Variants in TTYH1 observed in about 807,000 individuals in gnomAD.
TTYH1 encodes protein tweety homolog 1.
Under a neutral mutation model 61.2 loss-of-function variants are expected in TTYH1, and 33 were observed. That is an observed-to-expected ratio of 0.54 (90% CI 0.41 to 0.72). The LOEUF (loss-of-function observed/expected upper bound fraction) is 0.72, where lower values mean the gene tolerates loss of function less well. Among genes scored for constraint, TTYH1 ranks in the 30% least tolerant of loss-of-function variants. The pLI, the probability that TTYH1 is intolerant of heterozygous loss-of-function variation, is 0.00. For missense variants in TTYH1, 538 were observed against 575.8 expected (o/e 0.93, Z 0.67); for synonymous variants, 308 against 266.4 (o/e 1.16, Z -1.52).
At position 54,429,954 on chromosome 19, in the gene TTYH1, T is replaced by C; in HGVS notation, c.880T>C (p.Ser294Pro). ...NLTQEETGLS[S>P]DILSYYLLCN... The stretch of plus-strand genomic sequence containing the variant: ...GACCCAGGAGGAGACAGGGCTCAGC[T>C]CAGGTGATTTCCAAGGGCCCGGTGG... Residue 294 changes from serine (S) to proline (P), a missense_variant, in exon 7 of 14, where the codon TCA becomes CCA. By Grantham distance (74) the Ser-to-Pro change is moderately conservative. Transcript: ENST00000376530. This position sits in a 1 kb window ranked among gnomAD's most constrained non-coding sequence, Gnocchi z 5.1. The C allele has an allele frequency of 6.2e-7, 1 of 1,613,662 alleles. No individual in the cohort carries two copies. The highest frequency in any genetic ancestry group is 8.5e-7 in the Non-Finnish European group (1 of 1,179,744).
Position 54,422,354 on chromosome 19 carries a change from A to C in TTYH1, c.582A>C (p.Gly194=). Residue 194 remains glycine, a synonymous_variant, in exon 4 of 14, where the codon GGA becomes GGC. Transcript: ENST00000376530. ...TGCAGGGGCTGGCCTTCTGGCAGGG[A>C]GTGCCCCTGAGCCCCCTGCAGGTGG... ...QQLQGLAFWQ[G]VPLSPLQVAE... is the part of the protein sequence containing the mutation. 1 of 1,575,652 alleles carries C rather than the reference A, an allele frequency of 6.3e-7. No individual in the cohort carries two copies. The highest frequency in any genetic ancestry group is 8.6e-7 in the Non-Finnish European group (1 of 1,161,730).
chr19:54,434,438 C>A lies in TTYH1; in HGVS notation c.1126-1104C>A. Reference sequence around the variant, plus strand: ...CCCTCCCAGCTTCCTCTGCACAGCCCTCTGCCTGGCTCCTTCCTGGAGGAC... The same window carrying A: ...CCCTCCCAGCTTCCTCTGCACAGCCATCTGCCTGGCTCCTTCCTGGAGGAC... On this transcript the variant is annotated intron_variant, in intron 10 of 13. Transcript: ENST00000376530. The surrounding 1 kb of genome is among the most constrained non-coding windows in gnomAD (Gnocchi z 4.3). 1 of 153,352 alleles carries A rather than the reference C, an allele frequency of 6.5e-6. No individual in the cohort carries two copies. The highest frequency in any genetic ancestry group is 1.5e-5 in the Non-Finnish European group (1 of 68,836). 9.5% of individuals were successfully genotyped at this position (153,352 alleles called of 1,614,324 possible).
rs2083384841 is a variant in TTYH1 at position 54,429,213 on chromosome 19, AGGTGGGGGGC to A, written c.735-91_735-82del. On this transcript the variant is annotated intron_variant, in intron 5 of 13. Coordinates refer to ENST00000376530, the MANE Select transcript of TTYH1 (RefSeq NM_020659.4). The surrounding 1 kb of genome is among the most constrained non-coding windows in gnomAD (Gnocchi z 5.1). ...TCCTCCAGGCTCCAGAGGTGGGTGG[AGGTGGGGGGC>A]GGCTGTGATGGGATTTGGGGTGTGG... 7 of 1,134,516 alleles carry A rather than the reference AGGTGGGGGGC, an allele frequency of 6.2e-6. No homozygotes were observed. In the Admixed American group the frequency reaches 1.2e-4, roughly 20 times the overall value. The allele number at this position is 1,134,516 out of a possible 1,614,324, so 70.3% of individuals were successfully genotyped here.
In TTYH1 at chr19:54,435,698, G is replaced by T; in HGVS notation, c.1268+14G>T. ...CTTCCCACCCAGGTCAGGAGCGGGG[G>T]AGGGTAGGGTCCTGGGGAGGGAAGA... On this transcript the variant is annotated intron_variant, in intron 11 of 13. Coordinates refer to ENST00000376530, the MANE Select transcript of TTYH1 (RefSeq NM_020659.4). 6.2e-7 allele frequency: 1 copy of T among 1,608,566 alleles called. No homozygotes were observed. The highest frequency in any genetic ancestry group is 8.5e-7 in the Non-Finnish European group (1 of 1,177,394).
rs375274676 is a variant in TTYH1 at position 54,436,095 on chromosome 19, C to T, written c.1319C>T (p.Ser440Phe). Reference sequence around the variant, plus strand: ...CTACCCCGAATCTCCTAGCAGGAATCCAAGCGCTTTGTGCAGTGGCAGTCG... The same window carrying T: ...CTACCCCGAATCTCCTAGCAGGAATTCAAGCGCTTTGTGCAGTGGCAGTCG... The part of the protein sequence containing the change: ...DDDDPFNPQE[S>F]KRFVQWQSSI The change falls in exon 13 of 14, where the codon TCC becomes TTC. Residue 440 changes from serine (S) to phenylalanine (F), a missense_variant. This residue lies in a region of TTYH1 where 378 missense variants were observed against 401.2 expected (regional missense o/e 0.94). Transcript: ENST00000376530. The surrounding 1 kb of genome is among the most constrained non-coding windows in gnomAD (Gnocchi z 4.3). 6.2e-7 allele frequency: 1 copy of T among 1,614,080 alleles called. No individual in the cohort carries two copies. The highest frequency in any genetic ancestry group is 1.1e-5 in the South Asian group (1 of 91,086).
rs1370939498 is a variant in TTYH1, at chr19:54,421,806, T to A, written c.418-384T>A. 6.6e-6 allele frequency among the ~76,000 whole-genome samples: 1 copy of A among 152,118 alleles called. No individual in the cohort carries two copies. The highest frequency in any genetic ancestry group is 2.4e-5 in the African/African-American group (1 of 41,434). On this transcript the variant is annotated intron_variant, in intron 3 of 13. Transcript: ENST00000376530. This position sits in a 1 kb window ranked among gnomAD's most constrained non-coding sequence, Gnocchi z 4.8. ...GATTCTGGGCCCTGGGGCTGAGGCC[T>A]GGCCCCACTTCATGCCTTAGATTCC... is the stretch of plus-strand genomic sequence containing the variant.
At chr19:54,428,331 C>T (rs995436505) in intron 5 of TTYH1, among the ~76,000 whole-genome samples, 10 of 151,804 alleles carry the variant, frequency 6.6e-5, no homozygotes, top group African/African-American at 1.7e-4. Flanking sequence ...TAAGGTGATC[C>T]GCCCGCCTCA....
At chr19:54,425,915 C>T (rs1489529387) in intron 4 of TTYH1, among the ~76,000 whole-genome samples, 1 of 152,012 alleles carries the variant, frequency 6.6e-6, no homozygotes, top group Admixed American at 6.6e-5. Flanking sequence ...GGGGTTTCAC[C>T]ATGTTGGCCA....
chr19:54,423,756 T>C (rs1224329990), intron 4 of TTYH1, among the ~76,000 whole-genome samples: 1 of 151,900 alleles, frequency 6.6e-6, no homozygotes, highest in Non-Finnish European at 1.5e-5. Flanking sequence ...GGCCGGGCAG[T>C]GAGCAAGTGG....
In TTYH1 at chr19:54,436,233, G is replaced by C. The variant is rs890519252; in HGVS notation, c.*42+62G>C. 1.2e-6 allele frequency: 2 copies of C among 1,607,708 alleles called. No individual in the cohort carries two copies. Among genetic ancestry groups the C allele is most frequent in the African/African-American group, 2.7e-5 (2 of 74,798 alleles). ...GGCCTCTGCCCCCCTCCCGCCCTCC[G>C]AGCTGCTCCAGGCATGGGCTGCGTG... On this transcript the variant is annotated intron_variant, in intron 13 of 13. Transcript: ENST00000376530. The surrounding 1 kb of genome is among the most constrained non-coding windows in gnomAD (Gnocchi z 4.3).
At position 54,427,776 on chromosome 19, in the gene TTYH1, C is replaced by T. The variant is rs575654280; in HGVS notation, c.734+1008C>T. Among the ~76,000 whole-genome samples the T allele has an allele frequency of 3.9e-5, 6 of 152,254 alleles. No homozygotes were observed. The East Asian group carries it at 9.7e-4, about 24-fold the overall frequency. Reference sequence around the variant, plus strand: ...AGGGTGGCCAAGTCCAAGACTGAGCCGTCCTTAAGTGTCGTGGCAAAGCCG... The same window carrying T: ...AGGGTGGCCAAGTCCAAGACTGAGCTGTCCTTAAGTGTCGTGGCAAAGCCG... On this transcript the variant is annotated intron_variant, in intron 5 of 13. Transcript: ENST00000376530.
Position 54,421,229 on chromosome 19 carries a change from C to T in TTYH1, c.306-48C>T, listed in dbSNP as rs546781641. 3.2e-5 allele frequency: 42 copies of T among 1,315,768 alleles called. No individual in the cohort carries two copies. In the Admixed American group the frequency reaches 4.1e-4, roughly 13 times the overall value. The allele number at this position is 1,315,768 out of a possible 1,614,324, so 81.5% of individuals were successfully genotyped here. A position where few individuals can be genotyped will look rare whatever the true frequency, so the allele number is the denominator to read the frequency against. ...TGGGGTGGGAGGGGACGGTGGCCCC[C>T]GGGGTCCTGGGACCCGCTGAGATTC... On this transcript the variant is annotated intron_variant, in intron 2 of 13. Transcript: ENST00000376530. This position sits in a 1 kb window ranked among gnomAD's most constrained non-coding sequence, Gnocchi z 4.8.
At position 54,419,231 on chromosome 19, in the gene TTYH1, C is replaced by CT; in HGVS notation, c.230_231insT (p.Gly79ArgfsTer36). The CT allele has an allele frequency of 6.2e-7, 1 of 1,609,770 alleles. No homozygotes were observed. Among genetic ancestry groups the CT allele is most frequent in the Non-Finnish European group, 8.5e-7 (1 of 1,179,940 alleles). On this transcript the variant is annotated frameshift_variant, in exon 2 of 14. Transcript: ENST00000376530. LOFTEE classifies it high-confidence loss of function. This position sits in a 1 kb window ranked among gnomAD's most constrained non-coding sequence, Gnocchi z 6.1. Reference sequence around the variant, plus strand: ...TTCTGCTGCTGCCGGCCCCCCGAGCCCCCCGGGTCCAAGATCCCCTCGCCC... The same window carrying CT: ...TTCTGCTGCTGCCGGCCCCCCGAGCCTCCCCGGGTCCAAGATCCCCTCGCCC...
At position 54,436,447 on chromosome 19, in the gene TTYH1, T is replaced by C; in HGVS notation, c.*157T>C. 1 of 1,526,190 alleles carries C rather than the reference T, an allele frequency of 6.6e-7. No individual in the cohort carries two copies. Among genetic ancestry groups the C allele is most frequent in the Non-Finnish European group, 9.1e-7 (1 of 1,101,494 alleles). The allele number at this position is 1,526,190 out of a possible 1,614,324, so 94.5% of individuals were successfully genotyped here. A position where few individuals can be genotyped will look rare whatever the true frequency, so the allele number is the denominator to read the frequency against. The stretch of plus-strand genomic sequence containing the variant: ...GGACCGCCTCCCTGCTCTTGGCCAC[T>C]GTGCTCCCATTTCTGTCCTTGGCCT... On this transcript the variant is annotated 3_prime_UTR_variant, in exon 14 of 14. Coordinates refer to ENST00000376530, the MANE Select transcript of TTYH1 (RefSeq NM_020659.4). The surrounding 1 kb of genome is among the most constrained non-coding windows in gnomAD (Gnocchi z 4.3).
intron 4 of TTYH1, among the ~76,000 whole-genome samples, chr19:54,423,624 T>A (rs917621508): frequency 1.3e-5 from 2 of 152,196 alleles, no homozygotes; most frequent in Non-Finnish European, 2.9e-5. Flanking sequence ...GAAATGGGAA[T>A]CGGGGCAGCG....
chr19:54,436,142 G>C lies in TTYH1; in HGVS notation c.*13G>C, dbSNP rs771837621. 15 of 1,613,930 alleles carry C rather than the reference G, an allele frequency of 9.3e-6. No homozygotes were observed. The African/African-American group carries it at 2.0e-4, about 22-fold the overall frequency. On this transcript the variant is annotated 3_prime_UTR_variant, in exon 13 of 14. Transcript: ENST00000376530. The surrounding 1 kb of genome is among the most constrained non-coding windows in gnomAD (Gnocchi z 4.3). ...GTCGTCTATCTGAGCCCCTCCTCCC[G>C]GCTGGACTGGAGCCTGGCTCCCCTC...
At position 54,424,891 on chromosome 19, in the gene TTYH1, T is replaced by TA. The variant is rs370550141; in HGVS notation, c.639-1781dup. 7.0e-3 allele frequency among the ~76,000 whole-genome samples: 1,066 copies of TA among 152,250 alleles called. 14 individuals carry two copies. Among genetic ancestry groups the TA allele is most frequent in the African/African-American group, 0.024 (1,009 of 41,562 alleles). On this transcript the variant is annotated intron_variant, in intron 4 of 13. Transcript: ENST00000376530. The stretch of plus-strand genomic sequence containing the variant: ...TACGTGCCGGGCACTGTGCTGTTGT[T>TA]ACGGCGGGTCCTTGCTCCCGGAGCT...
At position 54,415,486 on chromosome 19, in the gene TTYH1, G is replaced by C. The variant is rs1473565966; in HGVS notation, c.-67G>C. ...CCCAGCCAGACCCCGCGCCGCCCGCGCCCCGCTCGACTCCGGAGGCTCCCG... is the reference window on the plus strand; with the variant it reads ...CCCAGCCAGACCCCGCGCCGCCCGCCCCCCGCTCGACTCCGGAGGCTCCCG... On this transcript the variant is annotated 5_prime_UTR_variant, in exon 1 of 14. Coordinates refer to ENST00000376530, the MANE Select transcript of TTYH1 (RefSeq NM_020659.4). This position sits in a 1 kb window ranked among gnomAD's most constrained non-coding sequence, Gnocchi z 5.2. 1.8e-6 allele frequency: 2 copies of C among 1,136,420 alleles called. No homozygotes were observed. The highest frequency in any genetic ancestry group is 3.4e-5 in the African/African-American group (2 of 58,474). 70.4% of individuals were successfully genotyped at this position (1,136,420 alleles called of 1,614,324 possible). A position where few individuals can be genotyped will look rare whatever the true frequency, so the allele number is the denominator to read the frequency against.
chr19:54,417,154 C>T (rs553585380), intron 1 of TTYH1, among the ~76,000 whole-genome samples: 1 of 152,144 alleles, frequency 6.6e-6, no homozygotes, highest in African/African-American at 2.4e-5. Flanking sequence ...CACACACACA[C>T]GTCCACTTAC....
Sources: gnomAD v4.1 joint callset for allele counts (sites outside exome capture counted in the v4.1 genomes callset) on GRCh38, gnomAD v4.1.1 for gene constraint, gnomAD v4.1.1 regional missense constraint, Gnocchi (gnomAD v3.1) non-coding constraint, MANE v1.5 for transcripts, NCBI Gene and HGNC (gene_info 2026-07-23, HGNC 2026-07-21) for gene names.